The following KIRREL3 variants were observed in gnomAD, a reference collection of about 807,000 sequenced individuals.
KIRREL3 encodes the protein kirre like nephrin family adhesion molecule 3, also known as kin of IRRE-like protein 3.
KIRREL3 carries 36 observed loss-of-function variants against 89.7 expected under a neutral mutation model. The ratio of observed to expected loss-of-function variants is 0.40; its 90% CI spans 0.31 to 0.53. The LOEUF is 0.53. Ranked by LOEUF, KIRREL3 falls within the 20% of genes least tolerant of loss-of-function variation. KIRREL3 has a pLI of 0.49. For missense variants in KIRREL3, 864 were observed against 1,056.6 expected, an observed-to-expected ratio of 0.82 and a Z score of 2.53; for synonymous variants, 445 against 441.4, an observed-to-expected ratio of 1.01 and a Z score of -0.10.
intron 6 of KIRREL3, among the ~76,000 whole-genome samples, chr11:126,460,242 G>C (rs1396216655): frequency 6.6e-6 from 1 of 152,164 alleles, no homozygotes; most frequent in East Asian, 1.9e-4. Flanking sequence ...TGTTAGGGCT[G>C]TGGGGACACC....
At position 126,689,203 on chromosome 11, in the gene KIRREL3, T is replaced by C. The variant is rs1480979853; in HGVS notation, c.56-126291A>G. Among the ~76,000 whole-genome samples the C allele has an allele frequency of 1.3e-5, 2 of 152,132 alleles. No individual in the cohort carries two copies. Among genetic ancestry groups the C allele is most frequent in the African/African-American group, 4.8e-5 (2 of 41,432 alleles). ...TTGTTGTTTCAGGAACTAGAAAGAA[T>C]CCTGGAAATAGTTAAGAAAGACGAT... On this transcript the variant is annotated intron_variant, in intron 1 of 16. Transcript: ENST00000525144. This position sits in a 1 kb window ranked among gnomAD's most constrained non-coding sequence, Gnocchi z 5.2.
chr11:126,749,952 A>G lies in KIRREL3; in HGVS notation c.56-187040T>C, dbSNP rs80256167. On this transcript the variant is annotated intron_variant, in intron 1 of 16. Coordinates refer to ENST00000525144, the MANE Select transcript of KIRREL3 (RefSeq NM_032531.4). ...ACCAGTGCGCGTTTTGATGCCACTC[A>G]TTCTGGGTTTTCAGGTCTGCTCATC... 9.4e-3 allele frequency among the ~76,000 whole-genome samples: 1,431 copies of G among 152,252 alleles called. 24 individuals carry two copies. The highest frequency in any genetic ancestry group is 0.033 in the African/African-American group (1,362 of 41,534).
At chr11:126,581,179 T>G (rs1941529511) in intron 1 of KIRREL3, among the ~76,000 whole-genome samples, 1 of 152,066 alleles carries the variant, frequency 6.6e-6, no homozygotes. Flanking sequence ...CTATAGTTAG[T>G]GGGGGGTTTA....
intron 4 of KIRREL3, among the ~76,000 whole-genome samples, chr11:126,497,810 G>A (rs1013842827): frequency 4.6e-5 from 7 of 152,162 alleles, no homozygotes; most frequent in African/African-American, 1.7e-4. Context: ...CCCCTATACC[G>A]GTCCTGGGTG....
In KIRREL3 at chr11:126,900,536, G is replaced by A. The variant is rs2134834524; in HGVS notation, c.55+99919C>T. On this transcript the variant is annotated intron_variant, in intron 1 of 16. Transcript: ENST00000525144. The surrounding 1 kb of genome is among the most constrained non-coding windows in gnomAD (Gnocchi z 4.4). ...TTCTTTGTGAGTGCTGGACTTCTGA[G>A]GCCTGTTTTCTCTGTTGGAAAAAAA... Among the ~76,000 whole-genome samples the A allele has an allele frequency of 6.6e-6, 1 of 152,252 alleles. No individual in the cohort carries two copies. Among genetic ancestry groups the A allele is most frequent in the South Asian group, 2.1e-4 (1 of 4,824 alleles).
rs1944752621 is a variant in KIRREL3, at chr11:126,647,860, C to T, written c.56-84948G>A. On this transcript the variant is annotated intron_variant, in intron 1 of 16. Transcript: ENST00000525144. This position sits in a 1 kb window ranked among gnomAD's most constrained non-coding sequence, Gnocchi z 4.9. Reference sequence around the variant, plus strand: ...CTCACTGAGAATGAAAGCCAACACCCTCTCCATGACTCATGGTGCTCTCCG... The same window carrying T: ...CTCACTGAGAATGAAAGCCAACACCTTCTCCATGACTCATGGTGCTCTCCG... Among the ~76,000 whole-genome samples, 1 of 152,206 alleles carries T rather than the reference C, an allele frequency of 6.6e-6. No homozygotes were observed. The highest frequency in any genetic ancestry group is 1.5e-5 in the Non-Finnish European group (1 of 68,044).
At chr11:126,483,516 G>A (rs376355381) in intron 4 of KIRREL3, among the ~76,000 whole-genome samples, 4 of 152,224 alleles carry the variant, frequency 2.6e-5, no homozygotes, top group East Asian at 3.9e-4. Context: ...CTGGGCCCAC[G>A]GCATCAACTG....
intron 1 of KIRREL3, among the ~76,000 whole-genome samples, chr11:126,820,452 G>T (rs373726840): frequency 2.0e-5 from 3 of 152,164 alleles, no homozygotes; most frequent in African/African-American, 7.2e-5. Context: ...ACTATATAAG[G>T]TGTGGATTCT....
chr11:126,850,942 C>T (rs965188831), intron 1 of KIRREL3, among the ~76,000 whole-genome samples: 1 of 152,220 alleles, frequency 6.6e-6, no homozygotes, highest in African/African-American at 2.4e-5. Context: ...GTCACACATA[C>T]ACTGCAAAAT....
chr11:126,857,282 T>C (rs539008199), intron 1 of KIRREL3, among the ~76,000 whole-genome samples: 1 of 152,350 alleles, frequency 6.6e-6, no homozygotes, highest in South Asian at 2.1e-4. Flanking sequence ...CCTGTGACTG[T>C]GTGCTGTCTG....
intron 1 of KIRREL3, among the ~76,000 whole-genome samples, chr11:126,617,469 T>C (rs897260540): frequency 3.3e-5 from 5 of 152,234 alleles, no homozygotes; most frequent in African/African-American, 9.6e-5. Context: ...TTTATACTTA[T>C]CTACTTTCAA....
intron 1 of KIRREL3, among the ~76,000 whole-genome samples, chr11:126,949,206 C>A (rs1205509690): frequency 1.3e-5 from 2 of 152,146 alleles, no homozygotes; most frequent in African/African-American, 4.8e-5. Context: ...GGAACTCACA[C>A]TCTTACTAGA....
At chr11:126,592,962 G>C (rs1403810423) in intron 1 of KIRREL3, among the ~76,000 whole-genome samples, 1 of 152,150 alleles carries the variant, frequency 6.6e-6, no homozygotes, top group Non-Finnish European at 1.5e-5. Context: ...GAGCTGGCTG[G>C]GGTGGGAGGG....
chr11:126,751,918 A>G (rs1287343475), intron 1 of KIRREL3, among the ~76,000 whole-genome samples: 3 of 152,128 alleles, frequency 2.0e-5, no homozygotes, highest in Non-Finnish European at 4.4e-5. Context: ...GACCAGGCTG[A>G]TCTCAAACTC....
In KIRREL3 at chr11:126,605,602, C is replaced by T. The variant is rs530601696; in HGVS notation, c.56-42690G>A. Among the ~76,000 whole-genome samples the T allele has an allele frequency of 2.0e-5, 3 of 152,192 alleles. No homozygotes were observed. The highest frequency in any genetic ancestry group is 6.5e-5 in the Admixed American group (1 of 15,282). On this transcript the variant is annotated intron_variant, in intron 1 of 16. Transcript: ENST00000525144. The surrounding 1 kb of genome is among the most constrained non-coding windows in gnomAD (Gnocchi z 5.7). ...GGGCACTTCATTTCCCAGAGACAAC[C>T]GGCGCGTTTTAATAATGTCTACTTG...
chr11:126,514,397 G>C (rs1958335404), intron 4 of KIRREL3, among the ~76,000 whole-genome samples: 1 of 152,184 alleles, frequency 6.6e-6, no homozygotes, highest in South Asian at 2.1e-4. Flanking sequence ...TGTGCAGCCT[G>C]CTGGGAGGGG....
At chr11:126,956,188 A>G (rs534421313) in intron 1 of KIRREL3, among the ~76,000 whole-genome samples, 3 of 152,250 alleles carry the variant, frequency 2.0e-5, no homozygotes, top group South Asian at 2.1e-4. Flanking sequence ...TACTCAACCA[A>G]TGAGCACTTG....
rs970066955 is a variant in KIRREL3 at position 126,990,687 on chromosome 11, C to T, written c.55+9768G>A. 4.6e-5 allele frequency among the ~76,000 whole-genome samples: 7 copies of T among 152,222 alleles called. No individual in the cohort carries two copies. Among genetic ancestry groups the T allele is most frequent in the African/African-American group, 1.4e-4 (6 of 41,454 alleles). On this transcript the variant is annotated intron_variant, in intron 1 of 16. Transcript: ENST00000525144. The surrounding 1 kb of genome is among the most constrained non-coding windows in gnomAD (Gnocchi z 6.3). ...GTTGCCCCTCACTCAGGTGCAGCTTCCTATGTAAGAAAAAGGCTTCAGAGG... is the reference window on the plus strand; with the variant it reads ...GTTGCCCCTCACTCAGGTGCAGCTTTCTATGTAAGAAAAAGGCTTCAGAGG...
rs939154094 is a variant in KIRREL3 at position 126,576,354 on chromosome 11, T to G, written c.56-13442A>C. On this transcript the variant is annotated intron_variant, in intron 1 of 16. Transcript: ENST00000525144. The surrounding 1 kb of genome is among the most constrained non-coding windows in gnomAD (Gnocchi z 5.4). ...TATCTTTGAGTTTATTCTAATTTCATTCATTCATTCTCATTCATTCATTCA... is the reference window on the plus strand; with the variant it reads ...TATCTTTGAGTTTATTCTAATTTCAGTCATTCATTCTCATTCATTCATTCA... Among the ~76,000 whole-genome samples, 3 of 152,024 alleles carry G rather than the reference T, an allele frequency of 2.0e-5. No individual in the cohort carries two copies. Among genetic ancestry groups the G allele is most frequent in the Non-Finnish European group, 4.4e-5 (3 of 68,000 alleles).
Sources: gnomAD v4.1 joint callset for allele counts (sites outside exome capture counted in the v4.1 genomes callset) on GRCh38, gnomAD v4.1.1 for gene constraint, Gnocchi (gnomAD v3.1) non-coding constraint, MANE v1.5 for transcripts, NCBI Gene and HGNC (gene_info 2026-07-23, HGNC 2026-07-21) for gene names.